Variants in F13A1 observed in about 807,000 individuals in gnomAD.
F13A1 encodes the protein coagulation factor XIII A chain, also known as FSF, A subunit.
Under a neutral mutation model 80.1 loss-of-function variants are expected in F13A1, and 47 were observed. The observed-to-expected ratio is 0.59, with a 90% CI of 0.46 to 0.75. The LOEUF (loss-of-function observed/expected upper bound fraction) is 0.75, where lower values mean the gene tolerates loss of function less well. F13A1 is among the 30% of genes least tolerant of loss of function. The pLI is 0.00. For missense variants in F13A1, 817 were observed against 930.4 expected, an observed-to-expected ratio of 0.88 and a Z score of 1.59; for synonymous variants, 349 against 344.9, an observed-to-expected ratio of 1.01 and a Z score of -0.13.
At chr6:6,211,959 C>A (rs540737531) in intron 8 of F13A1, among the ~76,000 whole-genome samples, 1 of 151,760 alleles carries the variant, frequency 6.6e-6, no homozygotes, top group African/African-American at 2.4e-5. Flanking sequence ...CCAAATACTG[C>A]GCTTTTCTGA....
chr6:6,278,664 T>C (rs990131946), intron 3 of F13A1, among the ~76,000 whole-genome samples: 3 of 150,554 alleles, frequency 2.0e-5, no homozygotes, highest in Admixed American at 1.3e-4. Context: ...ACAGAGGGAA[T>C]TGGGGGAGAT....
chr6:6,238,758 C>T (rs1583088096), intron 6 of F13A1, among the ~76,000 whole-genome samples: 1 of 144,462 alleles, frequency 6.9e-6, no homozygotes, highest in African/African-American at 2.8e-5. Flanking sequence ...TTAAAAGATG[C>T]TCAAAATCAT....
At chr6:6,235,148 C>T (rs1451307450) in intron 6 of F13A1, among the ~76,000 whole-genome samples, 9 of 151,802 alleles carry the variant, frequency 5.9e-5, no homozygotes, top group African/African-American at 2.2e-4. Context: ...CAAAATGAAC[C>T]TTAGACCTAA....
intron 3 of F13A1, among the ~76,000 whole-genome samples, chr6:6,294,587 C>T (rs1561681896): frequency 6.6e-6 from 1 of 151,716 alleles, no homozygotes; most frequent in African/African-American, 2.4e-5. Flanking sequence ...CACACACACA[C>T]ATATATATAT....
Position 6,266,727 on chromosome 6 carries a change from C to T in F13A1, c.402G>A (p.Lys134=), listed in dbSNP as rs750939924. The change falls in exon 4 of 15, where the codon AAG becomes AAA. Residue 134 remains lysine, a synonymous_variant. Coordinates refer to ENST00000264870, the MANE Select transcript of F13A1 (RefSeq NM_000129.4). Reference sequence around the variant, plus strand: ...CAGACCTGTCCTCTCTCATGACAATCTTGGCCCCCCACTTTCCACTTTGTA... The same window carrying T: ...CAGACCTGTCCTCTCTCATGACAATTTTGGCCCCCCACTTTCCACTTTGTA... ...SELQSGKWGA[K]IVMREDRSVR... 3 of 1,614,076 alleles carry T rather than the reference C, an allele frequency of 1.9e-6. No individual in the cohort carries two copies. The highest frequency in any genetic ancestry group is 2.5e-6 in the Non-Finnish European group (3 of 1,180,038).
At chr6:6,294,834 G>A (rs1454860568) in intron 3 of F13A1, among the ~76,000 whole-genome samples, 4 of 150,384 alleles carry the variant, frequency 2.7e-5, no homozygotes, top group Non-Finnish European at 4.4e-5. Context: ...ATGGTGGTGC[G>A]CTGCACCCAC....
intron 3 of F13A1, among the ~76,000 whole-genome samples, chr6:6,287,276 A>C (rs1758151440): frequency 6.6e-6 from 1 of 152,076 alleles, no homozygotes. Context: ...AATGTCTTAG[A>C]ATTTATGTGG....
intron 10 of F13A1, among the ~76,000 whole-genome samples, chr6:6,188,181 G>T (rs1761116139): frequency 6.6e-6 from 1 of 152,146 alleles, no homozygotes; most frequent in Non-Finnish European, 1.5e-5. Context: ...CCAGCTCCTG[G>T]ATTCACTAAT....
rs1303827402 is a variant in F13A1 at position 6,144,098 on chromosome 6, CTTTAT to C, written c.*1516_*1520del. On this transcript the variant is annotated 3_prime_UTR_variant, in exon 15 of 15. Coordinates refer to ENST00000264870, the MANE Select transcript of F13A1 (RefSeq NM_000129.4). ...ACAGATGCAAATATAATCAGTTTAA[CTTTAT>C]TTTAAGCTTCTATTACATTGTAATT... The C allele has an allele frequency of 2.6e-5, 4 of 152,152 alleles. No individual in the cohort carries two copies. The highest frequency in any genetic ancestry group is 5.9e-5 in the Non-Finnish European group (4 of 68,024). 9.4% of individuals were successfully genotyped at this position (152,152 alleles called of 1,614,324 possible).
intron 8 of F13A1, among the ~76,000 whole-genome samples, chr6:6,205,668 T>TTTTC (rs1761474381): frequency 6.6e-6 from 1 of 152,188 alleles, no homozygotes. Flanking sequence ...AGCTTTCTTT[T>TTTTC]TTTCTTCTCC....
intron 1 of F13A1, among the ~76,000 whole-genome samples, chr6:6,319,161 T>C (rs1273128026): frequency 3.3e-5 from 5 of 152,224 alleles, no homozygotes; most frequent in Non-Finnish European, 7.3e-5. Context: ...CATTTGCAAT[T>C]TAATTCAACC....
intron 12 of F13A1, chr6:6,169,379 T>G (rs1760732521): frequency 6.5e-6 from 1 of 154,108 alleles, no homozygotes; most frequent in Non-Finnish European, 1.5e-5. Flanking sequence ...ACTGCACCAG[T>G]GAAGTCAGGA....
intron 1 of F13A1, 34 bp from the exon 2 acceptor site, chr6:6,318,716 A>G: frequency 6.3e-7 from 1 of 1,594,750 alleles, no homozygotes; most frequent in Non-Finnish European, 8.5e-7. Context: ...GACAACAGAA[A>G]AGGCATGTAA....
At position 6,224,925 on chromosome 6, in the gene F13A1, G is replaced by T. The variant is rs371480974; in HGVS notation, c.799-65C>A. 1.5e-5 allele frequency: 23 copies of T among 1,563,856 alleles called. No individual in the cohort carries two copies. In the South Asian group the frequency reaches 2.2e-4, roughly 15 times the overall value. Reference sequence around the variant, plus strand: ...TTTAGGTTTGTCTACTCCAGGCTATGCATGGCGCAAGCTATGGCTGCCATT... The same window carrying T: ...TTTAGGTTTGTCTACTCCAGGCTATTCATGGCGCAAGCTATGGCTGCCATT... On this transcript the variant is annotated intron_variant, in intron 6 of 14. Transcript: ENST00000264870.
At chr6:6,197,750 C>A (rs530961374) in intron 8 of F13A1, among the ~76,000 whole-genome samples, 1 of 152,074 alleles carries the variant, frequency 6.6e-6, no homozygotes, top group African/African-American at 2.4e-5. Flanking sequence ...TAAGCCAAAT[C>A]TGAGGGCTCC....
At chr6:6,190,498 G>T (rs551628100) in intron 10 of F13A1, among the ~76,000 whole-genome samples, 3 of 149,462 alleles carry the variant, frequency 2.0e-5, no homozygotes, top group African/African-American at 4.9e-5. Flanking sequence ...AGGTGTCAGT[G>T]TTCCCCTGCT....
At chr6:6,164,314 A>G (rs1164664662) in intron 13 of F13A1, among the ~76,000 whole-genome samples, 3 of 152,186 alleles carry the variant, frequency 2.0e-5, no homozygotes, top group East Asian at 1.9e-4. Flanking sequence ...GAAGGAAACA[A>G]ACAGACACTG....
intron 6 of F13A1, among the ~76,000 whole-genome samples, chr6:6,247,495 G>A (rs1420131091): frequency 6.6e-6 from 1 of 152,078 alleles, no homozygotes; most frequent in Non-Finnish European, 1.5e-5. Context: ...TGGGTACATT[G>A]ATATAATCCA....
intron 8 of F13A1, among the ~76,000 whole-genome samples, chr6:6,199,864 T>G (rs1231412260): frequency 4.6e-5 from 7 of 152,126 alleles, no homozygotes; most frequent in Non-Finnish European, 8.8e-5. Flanking sequence ...AGAAAGGCAT[T>G]CAGGTGGCCA....
Sources: gnomAD v4.1 joint callset for allele counts (sites outside exome capture counted in the v4.1 genomes callset) on GRCh38, gnomAD v4.1.1 for gene constraint, MANE v1.5 for transcripts, NCBI Gene and HGNC (gene_info 2026-07-23, HGNC 2026-07-21) for gene names.